WWC2: variants seen among roughly 807,000 people sequenced by gnomAD.
The protein encoded by WWC2 is protein WWC2.
A neutral mutation model predicts 138.5 loss-of-function variants in WWC2; 101 were observed. The ratio of observed to expected loss-of-function variants is 0.73; its 90% confidence interval spans 0.62 to 0.86. The LOEUF is 0.86. Among genes scored for constraint, WWC2 ranks in the 40% least tolerant of loss-of-function variants. The probability of loss-of-function intolerance (pLI) is 0.00; values close to 1 mark genes in which losing one functional copy is unlikely to be tolerated. For synonymous variants in WWC2, 558 were observed against 538.4 expected (o/e 1.04, Z -0.50); for missense variants, 1,420 against 1,419.4 (o/e 1.00, Z -0.01).
intron 4 of WWC2, among the ~76,000 whole-genome samples, chr4:183,214,426 G>A (rs995579926): frequency 2.6e-5 from 4 of 152,248 alleles, no homozygotes; most frequent in South Asian, 2.1e-4. Flanking sequence ...AAGTAATAAT[G>A]TGCACATCAA....
At chr4:183,212,519 A>G (rs1455554939) in intron 4 of WWC2, among the ~76,000 whole-genome samples, 1 of 152,216 alleles carries the variant, frequency 6.6e-6, no homozygotes, top group East Asian at 1.9e-4. Flanking sequence ...ACTTACTCTC[A>G]ATAAACTCCA....
At chr4:183,296,881 C>A (rs1738645889) in intron 21 of WWC2, among the ~76,000 whole-genome samples, 1 of 128,024 alleles carries the variant, frequency 7.8e-6, no homozygotes, top group African/African-American at 3.0e-5. Context: ...TTGCAGTGAG[C>A]CGAGATCGCA....
intron 2 of WWC2, among the ~76,000 whole-genome samples, chr4:183,200,475 TTAG>T (rs1735266049): frequency 6.6e-6 from 1 of 152,174 alleles, no homozygotes; most frequent in Non-Finnish European, 1.5e-5. Context: ...GTTCCAAAAC[TTAG>T]TGGTTTAAAA....
intron 1 of WWC2, among the ~76,000 whole-genome samples, chr4:183,190,095 C>T (rs1734949444): frequency 1.3e-5 from 2 of 152,094 alleles, no homozygotes; most frequent in Admixed American, 1.3e-4. Context: ...CAAAGGAAGA[C>T]CTTTTTAAGC....
At chr4:183,177,081 A>G (rs1185507340) in intron 1 of WWC2, among the ~76,000 whole-genome samples, 2 of 152,214 alleles carry the variant, frequency 1.3e-5, no homozygotes, top group East Asian at 3.9e-4. Flanking sequence ...ATGGGGAGGT[A>G]GGAAGGAGGA....
At chr4:183,293,908 A>G (rs940475242) in intron 21 of WWC2, among the ~76,000 whole-genome samples, 2 of 152,202 alleles carry the variant, frequency 1.3e-5, no homozygotes, top group Non-Finnish European at 2.9e-5. Context: ...CTTAGAAGAA[A>G]TGTAAAAGCA....
chr4:183,295,377 A>T (rs1313763661), intron 21 of WWC2, among the ~76,000 whole-genome samples: 1 of 152,104 alleles, frequency 6.6e-6, no homozygotes, highest in African/African-American at 2.4e-5. Flanking sequence ...GCTCACCACT[A>T]GAATAGAGGA....
At chr4:183,164,463 C>T (rs1407048148) in intron 1 of WWC2, among the ~76,000 whole-genome samples, 2 of 147,296 alleles carry the variant, frequency 1.4e-5, no homozygotes, top group Non-Finnish European at 3.0e-5. Context: ...AGTAGTGGCA[C>T]AGAAAGAAGA....
chr4:183,162,532 C>T (rs1409236522), intron 1 of WWC2, among the ~76,000 whole-genome samples: 1 of 152,076 alleles, frequency 6.6e-6, no homozygotes, highest in Non-Finnish European at 1.5e-5. Flanking sequence ...CTTTATTGAA[C>T]TCTTCCTAGA....
chr4:183,208,298 G>T, intron 3 of WWC2, 142 bp downstream of exon 3: 1 of 882,498 alleles, frequency 1.1e-6, no homozygotes, highest in Non-Finnish European at 1.7e-6. Flanking sequence ...ATTGAGAGGT[G>T]AGGGCACACC....
chr4:183,134,807 A>G (rs1331744927), intron 1 of WWC2, among the ~76,000 whole-genome samples: 1 of 152,080 alleles, frequency 6.6e-6, no homozygotes, highest in Non-Finnish European at 1.5e-5. Context: ...CTTAAAATCT[A>G]TTGTTTCTAT....
chr4:183,273,841 T>C (rs1737771838), intron 16 of WWC2, among the ~76,000 whole-genome samples: 1 of 152,194 alleles, frequency 6.6e-6, no homozygotes, highest in East Asian at 1.9e-4. Flanking sequence ...TAAACTAATA[T>C]CACAAATATT....
intron 4 of WWC2, among the ~76,000 whole-genome samples, chr4:183,223,537 A>G (rs887796553): frequency 3.3e-5 from 5 of 152,228 alleles, no homozygotes; most frequent in African/African-American, 1.2e-4. Context: ...GAAAGTAACT[A>G]CAATGCCATT....
At chr4:183,294,126 A>G (rs1738554884) in intron 21 of WWC2, among the ~76,000 whole-genome samples, 2 of 152,194 alleles carry the variant, frequency 1.3e-5, no homozygotes, top group East Asian at 3.8e-4. Flanking sequence ...ATGGAAATAA[A>G]TGATGTATTT....
intron 2 of WWC2, among the ~76,000 whole-genome samples, chr4:183,205,482 C>A (rs183358409): frequency 6.3e-4 from 96 of 152,222 alleles, no homozygotes; most frequent in African/African-American, 2.2e-3. Context: ...TGATTTTTCT[C>A]CAGATTATGG....
intron 21 of WWC2, among the ~76,000 whole-genome samples, chr4:183,305,148 A>G (rs1579074176): frequency 2.0e-5 from 3 of 152,344 alleles, no homozygotes; most frequent in African/African-American, 4.8e-5. Flanking sequence ...CACACTGGAC[A>G]TGACTAAAGA....
chr4:183,250,059 C>A, intron 8 of WWC2, 66 bp downstream of exon 8: 2 of 1,440,712 alleles, frequency 1.4e-6, no homozygotes, highest in Non-Finnish European at 1.9e-6. Flanking sequence ...AATCTTTACT[C>A]CTGTGGTGAC....
chr4:183,276,128 GC>G (rs1225648821), intron 16 of WWC2, among the ~76,000 whole-genome samples: 1 of 151,986 alleles, frequency 6.6e-6, no homozygotes, highest in Non-Finnish European at 1.5e-5. Flanking sequence ...TGTTAGTAAA[GC>G]TACATATCAG....
At chr4:183,275,593 A>T (rs1230325984) in intron 16 of WWC2, among the ~76,000 whole-genome samples, 1 of 152,048 alleles carries the variant, frequency 6.6e-6, no homozygotes. Context: ...TATTCAATTG[A>T]TATAATTTAT....
Sources: gnomAD v4.1 joint callset for allele counts (sites outside exome capture counted in the v4.1 genomes callset) on GRCh38, gnomAD v4.1.1 for gene constraint, MANE v1.5 for transcripts, NCBI Gene and HGNC (gene_info 2026-07-23, HGNC 2026-07-21) for gene names.